Variants in TBPL2 observed in about 807,000 individuals in gnomAD.
The protein encoded by TBPL2 is TATA box-binding protein-like 2.
A neutral mutation model predicts 38.2 loss-of-function variants in TBPL2; 40 were observed. The observed-to-expected ratio is 1.05, with a 90% CI of 0.81 to 1.36. TBPL2 has a LOEUF of 1.36. Among genes scored for constraint, TBPL2 ranks in the 40% most tolerant of loss-of-function variants. The pLI is 0.00. For synonymous variants in TBPL2, 169 were observed against 171.7 expected, an observed-to-expected ratio of 0.98 and a Z score of 0.12; for missense variants, 461 against 456.7, an observed-to-expected ratio of 1.01 and a Z score of -0.09.
rs138299640 is a variant in TBPL2, at chr14:55,436,857, A to G, written c.312T>C (p.Asp104=). The change falls in exon 2 of 7, where the codon GAT becomes GAC. Residue 104 remains aspartate (D), a synonymous_variant. Coordinates refer to ENST00000247219, the Ensembl canonical transcript of TBPL2. ...GGTCTTTATTTTCCTGGGTAACTTC[A>G]TCTGGTAGGAAGCTAAGATCCACAG... The G allele has an allele frequency of 1.3e-5, 21 of 1,614,176 alleles. No individual in the cohort carries two copies. The African/African-American group carries it at 2.7e-4, about 20-fold the overall frequency.
At chr14:55,417,453 TAAAAAAA>T (rs539769285) in intron 6 of TBPL2, among the ~76,000 whole-genome samples, 16 of 91,348 alleles carry the variant, frequency 1.8e-4, no homozygotes, top group African/African-American at 5.7e-4. Flanking sequence ...ACCCTTGCCT[TAAAAAAA>T]AAAAAAAAAA....
At chr14:55,416,294 A>T (rs1057123329) in intron 6 of TBPL2, among the ~76,000 whole-genome samples, 1 of 152,128 alleles carries the variant, frequency 6.6e-6, no homozygotes, top group African/African-American at 2.4e-5. Flanking sequence ...TATAAGCTTA[A>T]TTTTTTAAGA....
chr14:55,440,569 C>T (rs1594796091), exon 1 of TBPL2: 3 of 1,567,594 alleles, frequency 1.9e-6, no homozygotes, highest in South Asian at 1.2e-5. Flanking sequence ...GGCAGCGAGG[C>T]GGGGCGGCCC....
intron 6 of TBPL2, among the ~76,000 whole-genome samples, chr14:55,421,642 C>T (rs4901559): frequency 0.72 from 109,636 of 151,980 alleles, 39,853 homozygotes; most frequent in African/African-American, 0.8. Flanking sequence ...TTTGTATTTT[C>T]AGTAGAGATG....
exon 5 of TBPL2, chr14:55,428,855 A>C: frequency 6.2e-7 from 1 of 1,614,218 alleles, no homozygotes; most frequent in Non-Finnish European, 8.5e-7. Context: ...CCTGATGGGA[A>C]ATCTCACATC....
intron 1 of TBPL2, among the ~76,000 whole-genome samples, chr14:55,439,617 C>CCCCCGCCCCG (rs1555344744): frequency 1.4e-5 from 1 of 72,628 alleles, no homozygotes; most frequent in Non-Finnish European, 3.0e-5. Flanking sequence ...AAAGCAAACC[C>CCCCCGCCCCG]CCCCCCGTCT....
At chr14:55,415,640 G>A (rs763328470) in intron 6 of TBPL2, among the ~76,000 whole-genome samples, 3 of 152,098 alleles carry the variant, frequency 2.0e-5, no homozygotes, top group Non-Finnish European at 4.4e-5. Flanking sequence ...CCAGGCAGGT[G>A]GATCACCTGA....
intron 5 of TBPL2, among the ~76,000 whole-genome samples, chr14:55,426,778 T>C (rs948236472): frequency 5.3e-5 from 8 of 151,992 alleles, no homozygotes; most frequent in African/African-American, 7.3e-5. Context: ...AGGAGGAAGA[T>C]AGAACAGGGA....
At chr14:55,431,681 A>G (rs7156648) in intron 4 of TBPL2, among the ~76,000 whole-genome samples, 45,672 of 152,090 alleles carry the variant, frequency 0.3, 9,392 homozygotes, top group African/African-American at 0.6. Context: ...GTAAAAACAG[A>G]TTGGGGGAAA....
Position 55,424,301 on chromosome 14 carries a change from C to T in TBPL2, c.957-48G>A, listed in dbSNP as rs376274265. 3.6e-5 allele frequency: 45 copies of T among 1,258,858 alleles called. No individual in the cohort carries two copies. In the African/African-American group the frequency reaches 5.3e-4, roughly 15 times the overall value. The allele number at this position is 1,258,858 out of a possible 1,614,324, so 78.0% of individuals were successfully genotyped here. On this transcript the variant is annotated intron_variant, in intron 5 of 6. Coordinates refer to ENST00000247219, the Ensembl canonical transcript of TBPL2. ...TGTTAAAAATAGCACTATTCAGCTC[C>T]TTTCCCATAACATGTAAGGCCCAGT...
chr14:55,435,696 T>C, intron 3 of TBPL2, 151 bp downstream of exon 3: 1 of 560,220 alleles, frequency 1.8e-6, no homozygotes, highest in African/African-American at 2.0e-5. Context: ...TTTTTATAAC[T>C]CAAAACAGAT....
At chr14:55,439,564 T>G (rs1594795666) in intron 1 of TBPL2, among the ~76,000 whole-genome samples, 1 of 138,698 alleles carries the variant, frequency 7.2e-6, no homozygotes, top group African/African-American at 2.6e-5. Flanking sequence ...CCAAGGTGGG[T>G]GGGATGACTT....
At chr14:55,437,598 G>A (rs1886037166) in intron 1 of TBPL2, among the ~76,000 whole-genome samples, 1 of 152,226 alleles carries the variant, frequency 6.6e-6, no homozygotes, top group Admixed American at 6.5e-5. Context: ...CTAGTAAGTT[G>A]CCACTCTCTA....
At chr14:55,427,112 C>T (rs532502118) in intron 5 of TBPL2, among the ~76,000 whole-genome samples, 1 of 152,242 alleles carries the variant, frequency 6.6e-6, no homozygotes, top group South Asian at 2.1e-4. Flanking sequence ...AACTTAAGCA[C>T]TGGGAGACTC....
chr14:55,418,834 T>A lies in TBPL2; in HGVS notation c.1052-4379A>T, dbSNP rs116991190. ...AATGATAGAGAAAAAACCAGGAGAG[T>A]GTGTTTTCACTAAGATAATAATAGC... On this transcript the variant is annotated intron_variant, in intron 6 of 6. Transcript: ENST00000247219. 3.0e-3 allele frequency among the ~76,000 whole-genome samples: 450 copies of A among 152,084 alleles called. 1 individual carries two copies. In the East Asian group the frequency reaches 0.03, roughly 10 times the overall value.
chr14:55,417,235 TC>T (rs1366718761), intron 6 of TBPL2, among the ~76,000 whole-genome samples: 1 of 152,128 alleles, frequency 6.6e-6, no homozygotes, highest in Non-Finnish European at 1.5e-5. Context: ...CGGTGTTCCT[TC>T]CTTTACACCA....
chr14:55,422,285 T>C (rs1274172594), intron 6 of TBPL2, among the ~76,000 whole-genome samples: 1 of 152,124 alleles, frequency 6.6e-6, no homozygotes, highest in African/African-American at 2.4e-5. Flanking sequence ...GTGAAATGTA[T>C]AAAAAGACAA....
At chr14:55,414,336 G>C in exon 7 of TBPL2, 1 of 1,417,104 alleles carries the variant, frequency 7.1e-7, no homozygotes, top group African/African-American at 1.4e-5. Flanking sequence ...TGGGCTTATG[G>C]ACATATTCAA....
At chr14:55,435,970 A>T in intron 2 of TBPL2, 36 bp from the exon 3 acceptor site, 1 of 1,263,748 alleles carries the variant, frequency 7.9e-7, no homozygotes, top group South Asian at 1.4e-5. Context: ...CTTATATCAG[A>T]TATAAAGAGT....
Sources: allele counts gnomAD v4.1 joint callset (sites outside exome capture counted in the v4.1 genomes callset), GRCh38; gene constraint gnomAD v4.1.1; transcripts MANE v1.5; gene names NCBI Gene and HGNC (gene_info 2026-07-23, HGNC 2026-07-21).